The following GPC6 variants were observed in gnomAD, a reference collection of about 807,000 sequenced individuals.
GPC6 encodes glypican 6.
GPC6 carries 14 observed loss-of-function variants against 55.2 expected under a neutral mutation model. That is an observed-to-expected ratio of 0.25 (90% confidence interval 0.17 to 0.40). The LOEUF is 0.40. Ranked by LOEUF, GPC6 falls within the 10% of genes least tolerant of loss-of-function variation. The probability of loss-of-function intolerance (pLI) is 1.00; values close to 1 mark genes in which losing one functional copy is unlikely to be tolerated. For missense variants in GPC6, 641 were observed against 708.5 expected (o/e 0.90, Z 1.08); for synonymous variants, 278 against 259.6 (o/e 1.07, Z -0.68).
chr13:93,278,941 T>C (rs1877854918), intron 1 of GPC6, among the ~76,000 whole-genome samples: 1 of 152,204 alleles, frequency 6.6e-6, no homozygotes, highest in Admixed American at 6.5e-5. Context: ...TCCCATAACA[T>C]CATGTTGTAT....
intron 3 of GPC6, among the ~76,000 whole-genome samples, chr13:93,944,352 C>T (rs1594608880): frequency 6.6e-6 from 1 of 151,982 alleles, no homozygotes; most frequent in African/African-American, 2.4e-5. Context: ...TACAGGCGCC[C>T]GCCACCATGC....
At chr13:94,368,147 C>CAAA (rs5805859) in intron 6 of GPC6, among the ~76,000 whole-genome samples, 5 of 85,716 alleles carry the variant, frequency 5.8e-5, no homozygotes, top group Admixed American at 1.3e-4. Context: ...GACTCTGTCT[C>CAAA]AAAAAAAAAA....
At chr13:94,343,518 C>T (rs576392656) in intron 6 of GPC6, among the ~76,000 whole-genome samples, 42 of 152,128 alleles carry the variant, frequency 2.8e-4, no homozygotes, top group Non-Finnish European at 4.9e-4. Context: ...TTCACGTCAG[C>T]ATCCTCCAGG....
At chr13:94,117,754 T>C (rs551103095) in intron 4 of GPC6, among the ~76,000 whole-genome samples, 6 of 152,112 alleles carry the variant, frequency 3.9e-5, no homozygotes, top group Non-Finnish European at 7.4e-5. Flanking sequence ...GCCTATAGGA[T>C]GCCCCATTTT....
At chr13:93,222,135 A>G (rs528478828), upstream of GPC6, among the ~76,000 whole-genome samples, 63 of 152,346 alleles carry the variant, frequency 4.1e-4, no homozygotes, top group African/African-American at 1.4e-3. Flanking sequence ...GAGATAGGGT[A>G]AGACCTTTTT....
chr13:93,520,818 C>CTATAGACAAACTA (rs148828919), intron 1 of GPC6, among the ~76,000 whole-genome samples: 141,966 of 150,756 alleles, frequency 0.94, 67,428 homozygotes, highest in East Asian at 1. Context: ...ACAAACTATA[C>CTATAGACAAACTA]TATAGACAAA....
intron 1 of GPC6, among the ~76,000 whole-genome samples, chr13:93,448,837 G>A (rs192695020): frequency 4.6e-5 from 7 of 152,102 alleles, no homozygotes; most frequent in Non-Finnish European, 1.0e-4. Context: ...AGACATTCCT[G>A]CTTTCAAACT....
At position 93,535,684 on chromosome 13, in the gene GPC6, GAA is replaced by G. The variant is rs200687324; in HGVS notation, c.161-9563_161-9562del. Among the ~76,000 whole-genome samples the G allele has an allele frequency of 8.0e-4, 97 of 120,762 alleles. 1 individual carries two copies. Among genetic ancestry groups the G allele is most frequent in the African/African-American group, 2.3e-3 (77 of 33,534 alleles). The allele number at this position is 120,762 out of a possible 152,430, so 79.2% of individuals were successfully genotyped here. The stretch of plus-strand genomic sequence containing the variant: ...CCACCATTTGCAGATACTTTTTTAG[GAA>G]AAAAAAAAAAAAAAACCAAGCAGAA... On this transcript the variant is annotated intron_variant, in intron 1 of 8. Coordinates refer to ENST00000377047, the MANE Select transcript of GPC6 (RefSeq NM_005708.5).
At chr13:94,206,202 A>G (rs575715877) in intron 4 of GPC6, among the ~76,000 whole-genome samples, 7 of 152,350 alleles carry the variant, frequency 4.6e-5, no homozygotes, top group African/African-American at 1.2e-4. Flanking sequence ...TCGATCAGGA[A>G]AATGGTGCTT....
chr13:94,275,329 G>A (rs2139070336), intron 4 of GPC6, among the ~76,000 whole-genome samples: 1 of 152,274 alleles, frequency 6.6e-6, no homozygotes, highest in East Asian at 1.9e-4. Flanking sequence ...GGTTGTTAGA[G>A]AAAGCTTTTC....
intron 7 of GPC6, among the ~76,000 whole-genome samples, chr13:94,398,074 C>G (rs1447855221): frequency 6.6e-6 from 1 of 152,116 alleles, no homozygotes; most frequent in Non-Finnish European, 1.5e-5. Context: ...GTCTCTCCAG[C>G]TATGTGGAAC....
chr13:94,396,359 A>G (rs1348008684), intron 7 of GPC6, among the ~76,000 whole-genome samples: 2 of 152,196 alleles, frequency 1.3e-5, no homozygotes, highest in Non-Finnish European at 2.9e-5. Flanking sequence ...TTACTTTAAC[A>G]TGTATTGAAG....
intron 1 of GPC6, among the ~76,000 whole-genome samples, chr13:93,541,336 T>C (rs1331175804): frequency 2.1e-5 from 3 of 140,688 alleles, no homozygotes; most frequent in Non-Finnish European, 3.1e-5. Context: ...TTCATCCATG[T>C]CCCTACAAAG....
At chr13:93,312,298 G>T (rs531826839) in intron 1 of GPC6, among the ~76,000 whole-genome samples, 2 of 152,108 alleles carry the variant, frequency 1.3e-5, no homozygotes, top group Non-Finnish European at 2.9e-5. Flanking sequence ...CCTGAGAACA[G>T]GGTACACTTA....
At chr13:93,746,644 T>TA (rs1368301560) in intron 2 of GPC6, among the ~76,000 whole-genome samples, 2 of 152,190 alleles carry the variant, frequency 1.3e-5, no homozygotes, top group Non-Finnish European at 2.9e-5. Context: ...AACAACACCA[T>TA]ATTCAAGACT....
At chr13:94,191,748 T>C (rs1379175219) in intron 4 of GPC6, among the ~76,000 whole-genome samples, 1 of 152,144 alleles carries the variant, frequency 6.6e-6, no homozygotes, top group Admixed American at 6.5e-5. Flanking sequence ...GGGCAGAGGA[T>C]CTTCCCATGG....
intron 6 of GPC6, among the ~76,000 whole-genome samples, chr13:94,332,151 AT>A (rs1350672707): frequency 6.6e-6 from 1 of 152,196 alleles, no homozygotes; most frequent in East Asian, 1.9e-4. Context: ...ATATTCAAAA[AT>A]TTAATTTTTT....
At chr13:94,164,684 T>C (rs1426055945) in intron 4 of GPC6, among the ~76,000 whole-genome samples, 2 of 152,202 alleles carry the variant, frequency 1.3e-5, no homozygotes, top group Admixed American at 6.5e-5. Flanking sequence ...TCTACAGTGA[T>C]AGAGCGGATA....
intron 4 of GPC6, among the ~76,000 whole-genome samples, chr13:94,225,251 A>G (rs1437187837): frequency 1.3e-5 from 2 of 152,110 alleles, no homozygotes; most frequent in South Asian, 2.1e-4. Flanking sequence ...CATCAACATC[A>G]TCTTATGTCT....
Sources: allele counts gnomAD v4.1 joint callset (sites outside exome capture counted in the v4.1 genomes callset), GRCh38; gene constraint gnomAD v4.1.1; transcripts MANE v1.5; gene names NCBI Gene and HGNC (gene_info 2026-07-23, HGNC 2026-07-21).